Variants in RAB30 observed in about 807,000 individuals in gnomAD.
RAB30 encodes ras-related protein Rab-30.
RAB30 carries 9 observed loss-of-function variants against 25.1 expected under a neutral mutation model. The observed-to-expected ratio is 0.36, with a 90% CI of 0.22 to 0.63. The LOEUF (loss-of-function observed/expected upper bound fraction) is 0.63. RAB30 is among the 20% of genes least tolerant of loss of function. The pLI, the probability that RAB30 is intolerant of heterozygous loss-of-function variation, is 0.69. For missense variants in RAB30, 140 were observed against 243.5 expected, an observed-to-expected ratio of 0.58 and a Z score of 2.83; for synonymous variants, 77 against 86.4, an observed-to-expected ratio of 0.89 and a Z score of 0.60.
chr11:83,010,225 A>C (rs2121490757), intron 1 of RAB30, among the ~76,000 whole-genome samples: 1 of 152,318 alleles, frequency 6.6e-6, no homozygotes, highest in Admixed American at 6.5e-5. Context: ...GCAAGAAGGA[A>C]GGATCGCTTG....
At chr11:82,994,798 C>G (rs1197809935) in intron 2 of RAB30, among the ~76,000 whole-genome samples, 1 of 152,090 alleles carries the variant, frequency 6.6e-6, no homozygotes, top group Non-Finnish European at 1.5e-5. Flanking sequence ...GGAAGATAAT[C>G]TAAGAAAATT....
At chr11:83,003,353 C>G (rs1857126419) in intron 1 of RAB30, among the ~76,000 whole-genome samples, 1 of 152,246 alleles carries the variant, frequency 6.6e-6, no homozygotes, top group African/African-American at 2.4e-5. Flanking sequence ...TCTATCATCT[C>G]TTTCCCTACC....
intron 1 of RAB30, among the ~76,000 whole-genome samples, chr11:83,050,589 A>C (rs977548896): frequency 6.6e-6 from 1 of 152,208 alleles, no homozygotes; most frequent in African/African-American, 2.4e-5. Context: ...GACTGAAAAA[A>C]CTAAATGAGC....
At chr11:83,063,752 C>T (rs1310294157) in intron 1 of RAB30, among the ~76,000 whole-genome samples, 1 of 152,198 alleles carries the variant, frequency 6.6e-6, no homozygotes, top group Admixed American at 6.5e-5. Context: ...GGGGGCAATG[C>T]TAGTGCCCTT....
chr11:83,066,917 T>C (rs1858713147), intron 1 of RAB30, among the ~76,000 whole-genome samples: 1 of 152,198 alleles, frequency 6.6e-6, no homozygotes, highest in East Asian at 1.9e-4. Context: ...TTACTAATAG[T>C]CCTCTTCCAA....
At chr11:83,009,076 C>T (rs985746629) in intron 1 of RAB30, among the ~76,000 whole-genome samples, 3 of 143,318 alleles carry the variant, frequency 2.1e-5, no homozygotes, top group African/African-American at 5.1e-5. Flanking sequence ...AGCGGGAAAC[C>T]TTTTTTTTTT....
chr11:82,987,785 G>A lies in RAB30; in HGVS notation c.178-15C>T. 6.4e-7 allele frequency: 1 copy of A among 1,552,860 alleles called. No homozygotes were observed. The highest frequency in any genetic ancestry group is 1.8e-5 in the Admixed American group (1 of 56,446). On this transcript the variant is annotated splice_polypyrimidine_tract_variant and intron_variant, in intron 3 of 4. Transcript: ENST00000527633. The stretch of plus-strand genomic sequence containing the variant: ...CAGATCTGTAGCTGTAAAGGCATAA[G>A]ATAAGAATCAGGTGAAGAAGGATCA...
chr11:82,998,520 C>CCTGGGTGACAG (rs1857007748), intron 1 of RAB30, among the ~76,000 whole-genome samples: 1 of 149,306 alleles, frequency 6.7e-6, no homozygotes, highest in African/African-American at 2.5e-5. Flanking sequence ...CGCACTCCAG[C>CCTGGGTGACAG]CTGGGTGACA....
chr11:83,022,062 G>A (rs947326289), intron 1 of RAB30, among the ~76,000 whole-genome samples: 14 of 149,920 alleles, frequency 9.3e-5, no homozygotes, highest in South Asian at 2.1e-4. Flanking sequence ...ACGGCTGTAC[G>A]TATGCCTGAC....
chr11:83,064,510 C>A, intron 1 of RAB30, among the ~76,000 whole-genome samples: 1 of 152,180 alleles, frequency 6.6e-6, no homozygotes, highest in Non-Finnish European at 1.5e-5. Flanking sequence ...TGCATTGCTC[C>A]CTCTAGTAAT....
chr11:83,011,927 A>G (rs1857312876), intron 1 of RAB30, among the ~76,000 whole-genome samples: 1 of 152,142 alleles, frequency 6.6e-6, no homozygotes, highest in African/African-American at 2.4e-5. Flanking sequence ...TTCTCTAGAG[A>G]GAGAAACAAG....
intron 1 of RAB30, among the ~76,000 whole-genome samples, chr11:83,012,387 G>C (rs1277270336): frequency 6.6e-6 from 1 of 152,158 alleles, no homozygotes; most frequent in Non-Finnish European, 1.5e-5. Flanking sequence ...CCACAAAGTT[G>C]TCTGTAAGAA....
chr11:83,001,455 A>T (rs1857084064), intron 1 of RAB30, among the ~76,000 whole-genome samples: 1 of 152,172 alleles, frequency 6.6e-6, no homozygotes, highest in African/African-American at 2.4e-5. Flanking sequence ...CTGGGATTAC[A>T]GGCATGAGCC....
chr11:83,052,088 G>C (rs1255899860), intron 1 of RAB30, among the ~76,000 whole-genome samples: 1 of 152,184 alleles, frequency 6.6e-6, no homozygotes, highest in Non-Finnish European at 1.5e-5. Flanking sequence ...CCAGGAACTG[G>C]AGACCAGTGA....
chr11:83,024,384 C>T (rs1299848792), intron 1 of RAB30, among the ~76,000 whole-genome samples: 2 of 152,204 alleles, frequency 1.3e-5, no homozygotes, highest in Admixed American at 6.5e-5. Context: ...CCAGATCTGC[C>T]TCAGGCTTCC....
intron 1 of RAB30, among the ~76,000 whole-genome samples, chr11:83,007,826 C>G (rs116958312): frequency 0.018 from 2,643 of 150,928 alleles, 67 homozygotes; most frequent in East Asian, 0.095. Flanking sequence ...ACCCTTCCCA[C>G]TCATCGACCC....
In RAB30 at chr11:82,982,153, G is replaced by C. The variant is rs775828142; in HGVS notation, c.*12C>G. The C allele has an allele frequency of 6.8e-6, 11 of 1,613,710 alleles. No individual in the cohort carries two copies. The highest frequency in any genetic ancestry group is 9.3e-6 in the Non-Finnish European group (11 of 1,179,664). ...CAGTTGCTGATTCCTTTTCTTCTCC[G>C]TGCCTCAGCCTTTAGTTGAAATTAC... On this transcript the variant is annotated 3_prime_UTR_variant, in exon 5 of 5. Transcript: ENST00000527633.
chr11:82,986,035 TGAGTC>T (rs913706680), intron 4 of RAB30, among the ~76,000 whole-genome samples: 7 of 152,280 alleles, frequency 4.6e-5, no homozygotes, highest in African/African-American at 1.4e-4. Context: ...AAAAAAATCA[TGAGTC>T]GATCAGGGAA....
At chr11:83,056,626 C>T (rs1858464574) in intron 1 of RAB30, among the ~76,000 whole-genome samples, 1 of 152,164 alleles carries the variant, frequency 6.6e-6, no homozygotes, top group African/African-American at 2.4e-5. Flanking sequence ...GAATCATCTT[C>T]CACATAAAAT....
Sources: allele counts gnomAD v4.1 joint callset (sites outside exome capture counted in the v4.1 genomes callset), GRCh38; gene constraint gnomAD v4.1.1; transcripts MANE v1.5; gene names NCBI Gene and HGNC (gene_info 2026-07-23, HGNC 2026-07-21).